Variants in DNAJC3 observed in about 807,000 individuals in gnomAD.
The protein encoded by DNAJC3 is DnaJ heat shock protein family (Hsp40) member C3, also known as dnaJ homolog subfamily C member 3.
A neutral mutation model predicts 68.6 loss-of-function variants in DNAJC3; 38 were observed. The observed-to-expected ratio is 0.55, with a 90% CI of 0.43 to 0.73. The LOEUF is 0.73. Among genes scored for constraint, DNAJC3 ranks in the 30% least tolerant of loss-of-function variants. The pLI is 0.00. For missense variants in DNAJC3, 526 were observed against 591.9 expected, an observed-to-expected ratio of 0.89 and a Z score of 1.16; for synonymous variants, 203 against 204.0, an observed-to-expected ratio of 1.00 and a Z score of 0.04.
chr13:95,778,138 A>C (rs1883338719), intron 9 of DNAJC3, among the ~76,000 whole-genome samples: 4 of 152,172 alleles, frequency 2.6e-5, no homozygotes, highest in Admixed American at 2.0e-4. Flanking sequence ...TTCAATTCCC[A>C]ATTTTACTTT....
At chr13:95,680,107 T>G (rs1879874035) in intron 1 of DNAJC3, among the ~76,000 whole-genome samples, 1 of 152,214 alleles carries the variant, frequency 6.6e-6, no homozygotes, top group South Asian at 2.1e-4. Context: ...AAAACTTTAG[T>G]AGTATCTGCT....
chr13:95,743,394 C>G (rs1210460912), intron 4 of DNAJC3, among the ~76,000 whole-genome samples: 2 of 152,182 alleles, frequency 1.3e-5, no homozygotes, highest in Admixed American at 1.3e-4. Context: ...TGGATATGGT[C>G]TGGTCAGTTA....
Position 95,684,726 on chromosome 13 carries a change from T to C in DNAJC3, c.82+7389T>C, listed in dbSNP as rs1449538343. Among the ~76,000 whole-genome samples the C allele has an allele frequency of 2.6e-5, 4 of 152,198 alleles. No individual in the cohort carries two copies. The East Asian group carries it at 7.7e-4, about 29-fold the overall frequency. The stretch of plus-strand genomic sequence containing the variant: ...AGAACAGTTTCCTGGGCCAGGGCCC[T>C]GCCAGCCTCAGGACACTGCTGCCTG... On this transcript the variant is annotated intron_variant, in intron 1 of 11. Transcript: ENST00000602402.
chr13:95,773,151 A>AT (rs1317481486), intron 9 of DNAJC3, among the ~76,000 whole-genome samples: 2 of 66,964 alleles, frequency 3.0e-5, no homozygotes, highest in African/African-American at 6.4e-5. Context: ...TGACAAATTT[A>AT]GTTTTTTTTT....
At chr13:95,735,789 A>G (rs1306564982) in intron 4 of DNAJC3, among the ~76,000 whole-genome samples, 3 of 151,792 alleles carry the variant, frequency 2.0e-5, no homozygotes, top group Admixed American at 6.6e-5. Context: ...CACTCTGATG[A>G]TAGTTTCTTT....
chr13:95,785,888 C>A, intron 9 of DNAJC3, 51 bp from the exon 10 acceptor site: 1 of 1,488,558 alleles, frequency 6.7e-7, no homozygotes, highest in Non-Finnish European at 9.0e-7. Flanking sequence ...TAAGAAAAGG[C>A]AATAAATTAT....
At chr13:95,691,988 G>A (rs2139606500) in intron 1 of DNAJC3, among the ~76,000 whole-genome samples, 1 of 152,312 alleles carries the variant, frequency 6.6e-6, no homozygotes, top group African/African-American at 2.4e-5. Context: ...AGGTTGCAGT[G>A]AGCTGAGATG....
intron 1 of DNAJC3, 146 bp from the exon 2 acceptor site, chr13:95,709,081 A>G (rs894077361): frequency 6.1e-6 from 3 of 492,704 alleles, no homozygotes; most frequent in Non-Finnish European, 3.3e-6. Flanking sequence ...ATTTTATGTT[A>G]CGTTCTTTAC....
intron 4 of DNAJC3, among the ~76,000 whole-genome samples, chr13:95,728,008 A>T (rs1418209546): frequency 1.3e-5 from 2 of 152,230 alleles, no homozygotes; most frequent in African/African-American, 2.4e-5. Context: ...CAAATGTTAT[A>T]CAAAAATCTT....
chr13:95,743,682 C>T (rs1206329132), intron 4 of DNAJC3, among the ~76,000 whole-genome samples: 1 of 152,074 alleles, frequency 6.6e-6, no homozygotes, highest in Non-Finnish European at 1.5e-5. Flanking sequence ...CTCAGTCTCC[C>T]TAGTGGCTGG....
rs971637386 is a variant in DNAJC3, at chr13:95,793,266, T to C, written c.*2236T>C. On this transcript the variant is annotated 3_prime_UTR_variant, in exon 12 of 12. Coordinates refer to ENST00000602402, the MANE Select transcript of DNAJC3 (RefSeq NM_006260.5). ...GCTGATTCATGAAGAAAGTAACAAC[T>C]GTTGAGTTTCAGCCTTGATGGCTGT... is the stretch of plus-strand genomic sequence containing the variant. The C allele has an allele frequency of 6.6e-6, 1 of 152,150 alleles. No individual in the cohort carries two copies. Among genetic ancestry groups the C allele is most frequent in the Non-Finnish European group, 1.5e-5 (1 of 68,034 alleles). The allele number at this position is 152,150 out of a possible 1,614,324, so 9.4% of individuals were successfully genotyped here. A position where few individuals can be genotyped will look rare whatever the true frequency, so the allele number is the denominator to read the frequency against.
intron 1 of DNAJC3, among the ~76,000 whole-genome samples, chr13:95,698,837 A>T (rs1394564566): frequency 6.6e-6 from 1 of 152,228 alleles, no homozygotes; most frequent in African/African-American, 2.4e-5. Flanking sequence ...ATAGGAGTAT[A>T]AAGTAAGAGG....
At position 95,760,224 on chromosome 13, in the gene DNAJC3, C is replaced by A. The variant is rs1350649753; in HGVS notation, c.728+3C>A. The A allele has an allele frequency of 1.6e-5, 25 of 1,569,784 alleles. No homozygotes were observed. Among genetic ancestry groups the A allele is most frequent in the Non-Finnish European group, 2.2e-5 (25 of 1,158,002 alleles). ...GGAGACCACGAACTGTCCCTCAGGT[C>A]AGTTCTAGTGACACACATGTCTGAT... On this transcript the variant is annotated splice_donor_region_variant and intron_variant, in intron 6 of 11. Transcript: ENST00000602402.
At chr13:95,721,992 A>G (rs1881337783) in intron 2 of DNAJC3, among the ~76,000 whole-genome samples, 1 of 151,566 alleles carries the variant, frequency 6.6e-6, no homozygotes, top group Non-Finnish European at 1.5e-5. Flanking sequence ...TCTTATGATG[A>G]TGAACACCTG....
chr13:95,687,890 G>A lies in DNAJC3; in HGVS notation c.82+10553G>A, dbSNP rs1029225683. ...GCAGTATGGCCATTTTAATGATATT[G>A]ATTCTTCCAACCTGTGAGCATGGAA... On this transcript the variant is annotated intron_variant, in intron 1 of 11. Transcript: ENST00000602402. Among the ~76,000 whole-genome samples, 7 of 152,282 alleles carry A rather than the reference G, an allele frequency of 4.6e-5. No homozygotes were observed. The South Asian group carries it at 1.4e-3, about 32-fold the overall frequency.
At chr13:95,688,930 GTGTGTGTGTGTGTGTGT>G (rs1880144532) in intron 1 of DNAJC3, among the ~76,000 whole-genome samples, 1 of 51,240 alleles carries the variant, frequency 2.0e-5, no homozygotes, top group Admixed American at 1.7e-4. Context: ...TTGTGTGGGT[GTGTGTGTGTGTGTGTGT>G]GTGTGTGTGT....
rs994863232 is a variant in DNAJC3, at chr13:95,778,274, G to C, written c.1076-7665G>C. Among the ~76,000 whole-genome samples, 10 of 152,116 alleles carry C rather than the reference G, an allele frequency of 6.6e-5. No individual in the cohort carries two copies. In the South Asian group the frequency reaches 1.9e-3, roughly 28 times the overall value. ...TAATAATGTCCAAACACCAAACAAAGCTACGGTAACCAAAGCCCTTTGGTA... is the reference window on the plus strand; with the variant it reads ...TAATAATGTCCAAACACCAAACAAACCTACGGTAACCAAAGCCCTTTGGTA... On this transcript the variant is annotated intron_variant, in intron 9 of 11. Coordinates refer to ENST00000602402, the MANE Select transcript of DNAJC3 (RefSeq NM_006260.5).
At chr13:95,681,609 C>T (rs999440202) in intron 1 of DNAJC3, among the ~76,000 whole-genome samples, 41 of 152,200 alleles carry the variant, frequency 2.7e-4, no homozygotes, top group African/African-American at 9.2e-4. Flanking sequence ...ATCCCTTGGC[C>T]TCCCAAAGTG....
At chr13:95,681,500 A>T (rs779280134) in intron 1 of DNAJC3, among the ~76,000 whole-genome samples, 1 of 151,898 alleles carries the variant, frequency 6.6e-6, no homozygotes, top group Non-Finnish European at 1.5e-5. Flanking sequence ...ACAGGTATGC[A>T]CCACTGCATC....
Sources: gnomAD v4.1 joint callset for allele counts (sites outside exome capture counted in the v4.1 genomes callset) on GRCh38, gnomAD v4.1.1 for gene constraint, MANE v1.5 for transcripts, NCBI Gene and HGNC (gene_info 2026-07-23, HGNC 2026-07-21) for gene names.